The following MET variants were observed in gnomAD, a reference collection of about 807,000 sequenced individuals.
The protein encoded by MET is MET proto-oncogene, receptor tyrosine kinase.
In MET, 48 loss-of-function variants were observed where a neutral mutation model predicts 133.1. That is an observed-to-expected ratio of 0.36 (90% CI 0.29 to 0.46). The LOEUF is 0.46. MET is among the 20% of genes least tolerant of loss of function. The probability of loss-of-function intolerance (pLI) is 1.00; values close to 1 mark genes in which losing one functional copy is unlikely to be tolerated. For synonymous variants in MET, 628 were observed against 616.5 expected, an observed-to-expected ratio of 1.02 and a Z score of -0.28; for missense variants, 1,442 against 1,695.9, an observed-to-expected ratio of 0.85 and a Z score of 2.63.
chr7:116,768,241 G>C (rs1265898838), intron 11 of MET, among the ~76,000 whole-genome samples: 1 of 152,096 alleles, frequency 6.6e-6, no homozygotes, highest in African/African-American at 2.4e-5. Context: ...CCCAACCTTA[G>C]TTATTATCTA....
intron 5 of MET, among the ~76,000 whole-genome samples, chr7:116,747,988 G>C (rs941600853): frequency 6.6e-6 from 1 of 152,254 alleles, no homozygotes; most frequent in African/African-American, 2.4e-5. Context: ...GCTTACGCCT[G>C]TAATCCCAGC....
chr7:116,714,765 A>G (rs755260834), intron 2 of MET, among the ~76,000 whole-genome samples: 11 of 151,754 alleles, frequency 7.2e-5, no homozygotes, highest in Non-Finnish European at 1.5e-4. Flanking sequence ...ACACACACAC[A>G]CACACACACA....
chr7:116,787,997 A>T (rs1343864308), intron 19 of MET, among the ~76,000 whole-genome samples: 1 of 152,226 alleles, frequency 6.6e-6, no homozygotes, highest in Non-Finnish European at 1.5e-5. Flanking sequence ...CCATTCATCA[A>T]CATAAAGGAA....
At chr7:116,697,617 C>G (rs1797009509) in intron 1 of MET, among the ~76,000 whole-genome samples, 1 of 152,102 alleles carries the variant, frequency 6.6e-6, no homozygotes, top group African/African-American at 2.4e-5. Context: ...AATTTTTATT[C>G]ATCATTTATT....
chr7:116,745,853 T>C (rs1793654032), intron 5 of MET, among the ~76,000 whole-genome samples: 1 of 152,192 alleles, frequency 6.6e-6, no homozygotes, highest in African/African-American at 2.4e-5. Context: ...GCAATACCAT[T>C]CAGGACATAG....
At chr7:116,722,506 GA>G in intron 2 of MET, among the ~76,000 whole-genome samples, 1 of 151,760 alleles carries the variant, frequency 6.6e-6, no homozygotes, top group Non-Finnish European at 1.5e-5. Flanking sequence ...TGTTATGTGT[GA>G]ATTTGATCCT....
rs577527271 is a variant in MET, at chr7:116,698,593, A to G, written c.-14-478A>G. ...AAGCTAAATTTAGCCTAGTAATTCT[A>G]CATGCGCTCAAGAAAACAATGCCTG... On this transcript the variant is annotated intron_variant, in intron 1 of 20. Transcript: ENST00000397752. Among the ~76,000 whole-genome samples, 5 of 152,372 alleles carry G rather than the reference A, an allele frequency of 3.3e-5. No individual in the cohort carries two copies. The East Asian group carries it at 9.6e-4, about 29-fold the overall frequency.
chr7:116,729,027 A>G (rs764877929), intron 2 of MET, among the ~76,000 whole-genome samples: 1 of 152,242 alleles, frequency 6.6e-6, no homozygotes, highest in Non-Finnish European at 1.5e-5. Flanking sequence ...TAGATTTAAA[A>G]TTGGTCTTTG....
At chr7:116,676,519 CA>C (rs1796164402) in intron 1 of MET, among the ~76,000 whole-genome samples, 1 of 152,010 alleles carries the variant, frequency 6.6e-6, no homozygotes, top group Admixed American at 6.6e-5. Context: ...ATTGAGTTGG[CA>C]AACAATAAAG....
intron 1 of MET, among the ~76,000 whole-genome samples, chr7:116,690,604 A>G (rs1055004292): frequency 6.6e-6 from 1 of 152,242 alleles, no homozygotes; most frequent in Non-Finnish European, 1.5e-5. Context: ...TTTAAAGTAA[A>G]TGTAGGTGCT....
intron 12 of MET, 61 bp from the exon 13 acceptor site, chr7:116,771,437 C>T (rs2116990701): frequency 6.3e-7 from 1 of 1,599,312 alleles, no homozygotes; most frequent in Non-Finnish European, 8.6e-7. Flanking sequence ...GTGCTACAAC[C>T]TGTGTAGTAC....
chr7:116,770,976 C>T (rs1325895008), intron 12 of MET, among the ~76,000 whole-genome samples: 2 of 152,044 alleles, frequency 1.3e-5, no homozygotes, highest in Non-Finnish European at 2.9e-5. Flanking sequence ...AATGTTAGAG[C>T]CAGAAGGGAC....
chr7:116,755,264 T>C, intron 5 of MET, 91 bp from the exon 6 acceptor site: 1 of 1,403,262 alleles, frequency 7.1e-7, no homozygotes, highest in South Asian at 1.2e-5. Context: ...TCAGACTATT[T>C]AAGGATATAC....
chr7:116,744,872 A>T (rs1003623437), intron 5 of MET, among the ~76,000 whole-genome samples: 1 of 152,128 alleles, frequency 6.6e-6, no homozygotes, highest in Non-Finnish European at 1.5e-5. Flanking sequence ...CAGACACAAG[A>T]CAGGGATGCC....
At chr7:116,738,007 G>T (rs376324433) in intron 3 of MET, among the ~76,000 whole-genome samples, 2 of 152,306 alleles carry the variant, frequency 1.3e-5, no homozygotes, top group East Asian at 3.9e-4. Context: ...CAGGGAGACA[G>T]ACACAAAATG....
intron 2 of MET, among the ~76,000 whole-genome samples, chr7:116,710,369 C>A (rs1220881862): frequency 6.6e-6 from 1 of 152,130 alleles, no homozygotes; most frequent in Non-Finnish European, 1.5e-5. Context: ...ACAAAGAGGA[C>A]CCGCTTTATA....
intron 3 of MET, among the ~76,000 whole-genome samples, chr7:116,737,673 G>A (rs1024596023): frequency 1.1e-4 from 16 of 152,182 alleles, no homozygotes; most frequent in African/African-American, 3.6e-4. Context: ...CACAATATGT[G>A]ACTCAGTTTC....
intron 2 of MET, among the ~76,000 whole-genome samples, chr7:116,726,953 T>A (rs545512490): frequency 6.6e-6 from 1 of 152,256 alleles, no homozygotes; most frequent in African/African-American, 2.4e-5. Flanking sequence ...TGGACCAGGC[T>A]GAGCAGGACT....
chr7:116,683,153 T>C (rs960981516), intron 1 of MET, among the ~76,000 whole-genome samples: 3 of 152,198 alleles, frequency 2.0e-5, no homozygotes, highest in African/African-American at 7.2e-5. Flanking sequence ...CAGGGTTTAT[T>C]TCATCACCCA....
Sources: allele counts gnomAD v4.1 joint callset (sites outside exome capture counted in the v4.1 genomes callset), GRCh38; gene constraint gnomAD v4.1.1; transcripts MANE v1.5; gene names NCBI Gene and HGNC (gene_info 2026-07-23, HGNC 2026-07-21).